The following PTPRB variants were observed in gnomAD, a reference collection of about 807,000 sequenced individuals.
PTPRB encodes receptor-type tyrosine-protein phosphatase beta.
In PTPRB, 97 loss-of-function variants were observed where a neutral mutation model predicts 238.1. The observed-to-expected ratio is 0.41, with a 90% CI of 0.35 to 0.48. The LOEUF (loss-of-function observed/expected upper bound fraction) is 0.48, where lower values mean the gene tolerates loss of function less well. Ranked by LOEUF, PTPRB falls within the 20% of genes least tolerant of loss-of-function variation. PTPRB has a pLI of 0.30. For missense variants in PTPRB, 2,292 were observed against 2,681.9 expected (o/e 0.85, Z 3.21); for synonymous variants, 970 against 995.4 (o/e 0.97, Z 0.48).
At position 70,592,644 on chromosome 12, in the gene PTPRB, C is replaced by T. The variant is rs1156794332; in HGVS notation, c.1517-99G>A. ...TAATTTTATTTCTGCAAGCCACATT[C>T]CTTGCTCTGGAGAAAACAAGCACTT... On this transcript the variant is annotated intron_variant, in intron 6 of 33. Transcript: ENST00000334414. The T allele has an allele frequency of 2.3e-6, 3 of 1,285,850 alleles. No homozygotes were observed. The African/African-American group carries it at 4.5e-5, about 19-fold the overall frequency. The allele number at this position is 1,285,850 out of a possible 1,614,324, so 79.7% of individuals were successfully genotyped here.
chr12:70,564,911 GC>G (rs1879091125), intron 15 of PTPRB, among the ~76,000 whole-genome samples: 1 of 150,226 alleles, frequency 6.7e-6, no homozygotes, highest in African/African-American at 2.4e-5. Flanking sequence ...AAAATTGTAA[GC>G]CCCAACTCTT....
chr12:70,583,608 T>A (rs948655300), intron 9 of PTPRB, among the ~76,000 whole-genome samples: 4 of 152,172 alleles, frequency 2.6e-5, no homozygotes. Context: ...TTACTCCCCA[T>A]ACAACTTCAG....
chr12:70,614,868 T>A (rs1434874265), intron 3 of PTPRB, among the ~76,000 whole-genome samples: 3 of 152,220 alleles, frequency 2.0e-5, no homozygotes, highest in African/African-American at 7.2e-5. Flanking sequence ...AGAGAAATGT[T>A]ACTTTGATAA....
chr12:70,552,965 G>A lies in PTPRB; in HGVS notation c.5199C>T (p.Tyr1733=), dbSNP rs1592455548. ...QQHPLPSYLE[Y]RHNASIRVYQ... ...ACACCCGAATGGAGGCATTGTGCCT[G>A]TACTCCAGGTAGGAAGGGAGAGGGT... The change falls in exon 21 of 34, where the codon TAC becomes TAT. Residue 1733 remains tyrosine (Y), a synonymous_variant. Coordinates refer to ENST00000334414, the MANE Select transcript of PTPRB (RefSeq NM_001109754.4). 2.5e-6 allele frequency: 4 copies of A among 1,613,858 alleles called. No individual in the cohort carries two copies. The highest frequency in any genetic ancestry group is 2.2e-5 in the East Asian group (1 of 44,878).
At chr12:70,574,668 CAA>C (rs1880488021) in intron 11 of PTPRB, among the ~76,000 whole-genome samples, 1 of 152,050 alleles carries the variant, frequency 6.6e-6, no homozygotes, top group African/African-American at 2.4e-5. Flanking sequence ...AAATGTAGAA[CAA>C]GAGCATCAGA....
At chr12:70,625,672 A>G (rs962349033) in intron 2 of PTPRB, among the ~76,000 whole-genome samples, 5 of 152,122 alleles carry the variant, frequency 3.3e-5, no homozygotes, top group Non-Finnish European at 5.9e-5. Context: ...TAAAAAAGGT[A>G]TATATGTTTC....
chr12:70,575,949 A>G (rs1468207824), intron 11 of PTPRB, among the ~76,000 whole-genome samples: 1 of 152,198 alleles, frequency 6.6e-6, no homozygotes, highest in Non-Finnish European at 1.5e-5. Flanking sequence ...CACTGGAGTC[A>G]TTCAGAACTG....
chr12:70,524,221 C>A (rs537944606), intron 33 of PTPRB, among the ~76,000 whole-genome samples: 1 of 152,228 alleles, frequency 6.6e-6, no homozygotes, highest in South Asian at 2.1e-4. Flanking sequence ...TGATCCTCCC[C>A]CTCAGCCTCC....
At chr12:70,590,273 C>A in intron 7 of PTPRB, 40 bp from the exon 8 acceptor site, 1 of 1,500,892 alleles carries the variant, frequency 6.7e-7, no homozygotes, top group South Asian at 1.4e-5. Context: ...ATATTACAGA[C>A]CAAAAGTAAG....
At chr12:70,571,406 C>T (rs1880038480) in intron 12 of PTPRB, 117 bp from the exon 13 acceptor site, 1 of 1,008,618 alleles carries the variant, frequency 9.9e-7, no homozygotes, top group Admixed American at 2.9e-5. Flanking sequence ...AAATAAACCA[C>T]TAGCACTACT....
intron 32 of PTPRB, among the ~76,000 whole-genome samples, chr12:70,528,910 T>TGAAA (rs3970918): frequency 0.44 from 66,424 of 151,720 alleles, 16,912 homozygotes; most frequent in African/African-American, 0.71. Flanking sequence ...TTTTCTGTTT[T>TGAAA]GAAAGAGAAT....
intron 2 of PTPRB, among the ~76,000 whole-genome samples, chr12:70,625,927 G>A (rs1434649026): frequency 6.6e-6 from 1 of 152,078 alleles, no homozygotes; most frequent in African/African-American, 2.4e-5. Flanking sequence ...ACCTTACAAA[G>A]TGATTTGTAA....
chr12:70,580,617 C>T (rs937722288), intron 10 of PTPRB, among the ~76,000 whole-genome samples: 5 of 151,906 alleles, frequency 3.3e-5, no homozygotes, highest in African/African-American at 9.7e-5. Context: ...GTCAGGAGTT[C>T]GAGAGCAGCC....
intron 27 of PTPRB, chr12:70,538,480 G>A: frequency 2.1e-6 from 1 of 480,108 alleles, no homozygotes; most frequent in Non-Finnish European, 3.7e-6. Flanking sequence ...TACCACATTT[G>A]CCTGATGGAG....
intron 11 of PTPRB, 46 bp from the exon 12 acceptor site, chr12:70,572,133 G>C: frequency 6.7e-7 from 1 of 1,502,918 alleles, no homozygotes; most frequent in Non-Finnish European, 9.1e-7. Flanking sequence ...AATTCTGAGT[G>C]AGTAATTGAT....
At chr12:70,572,698 G>A (rs368949881) in intron 11 of PTPRB, among the ~76,000 whole-genome samples, 1 of 150,128 alleles carries the variant, frequency 6.7e-6, no homozygotes. Context: ...GAACCCAGGA[G>A]GCACAGGTTG....
At chr12:70,609,850 G>T (rs745939409) in intron 3 of PTPRB, 2 of 1,556,290 alleles carry the variant, frequency 1.3e-6, no homozygotes, top group South Asian at 2.4e-5. Context: ...GAGACCGAGG[G>T]GGCTGGACGT....
At chr12:70,600,065 AC>A (rs1332158635) in intron 4 of PTPRB, among the ~76,000 whole-genome samples, 1 of 151,864 alleles carries the variant, frequency 6.6e-6, no homozygotes, top group Non-Finnish European at 1.5e-5. Flanking sequence ...TGTTTTTGTG[AC>A]AGCATGGTCA....
intron 9 of PTPRB, 26 bp downstream of exon 9, chr12:70,586,981 A>G (rs1411710563): frequency 6.3e-7 from 1 of 1,590,944 alleles, no homozygotes; most frequent in East Asian, 2.2e-5. Context: ...AACACTTTAA[A>G]ATGTAAAATT....
Sources: allele counts gnomAD v4.1 joint callset (sites outside exome capture counted in the v4.1 genomes callset), GRCh38; gene constraint gnomAD v4.1.1; transcripts MANE v1.5; gene names NCBI Gene and HGNC (gene_info 2026-07-23, HGNC 2026-07-21).